ZNF704: variants seen among roughly 807,000 people sequenced by gnomAD.
ZNF704 encodes the protein glucocorticoid induced gene 1.
Under a neutral mutation model 44.7 loss-of-function variants are expected in ZNF704, and 10 were observed. The ratio of observed to expected loss-of-function variants is 0.22; its 90% confidence interval spans 0.14 to 0.38. The LOEUF is 0.38. Among genes scored for constraint, ZNF704 ranks in the 10% least tolerant of loss-of-function variants. The pLI is 1.00. For missense variants in ZNF704, 390 were observed against 545.5 expected, an observed-to-expected ratio of 0.71 and a Z score of 2.84; for synonymous variants, 211 against 207.6, an observed-to-expected ratio of 1.02 and a Z score of -0.14.
intron 6 of ZNF704, among the ~76,000 whole-genome samples, 183 bp downstream of exon 6, chr8:80,664,632 G>A (rs757787522): frequency 2.2e-4 from 34 of 152,186 alleles, no homozygotes; most frequent in Non-Finnish European, 1.3e-4. Context: ...TGGGCAATCT[G>A]AGACTAGACC....
At chr8:80,751,586 C>T (rs1806944736) in intron 2 of ZNF704, among the ~76,000 whole-genome samples, 2 of 152,170 alleles carry the variant, frequency 1.3e-5, no homozygotes, top group African/African-American at 4.8e-5. Flanking sequence ...GCAGCTGTTT[C>T]TCCTTTGCAT....
chr8:80,801,573 A>G (rs1308940682), intron 2 of ZNF704, among the ~76,000 whole-genome samples: 2 of 152,232 alleles, frequency 1.3e-5, no homozygotes, highest in African/African-American at 4.8e-5. Context: ...CTGTTAGTTA[A>G]ATAATGAAAT....
intron 2 of ZNF704, among the ~76,000 whole-genome samples, chr8:80,797,255 T>C (rs1046150614): frequency 5.3e-5 from 8 of 152,178 alleles, no homozygotes; most frequent in Non-Finnish European, 1.0e-4. Flanking sequence ...TTCTGGGGTC[T>C]TGGTGTTGGC....
At chr8:80,808,140 T>C (rs1199126764) in intron 2 of ZNF704, among the ~76,000 whole-genome samples, 2 of 152,324 alleles carry the variant, frequency 1.3e-5, no homozygotes, top group East Asian at 3.9e-4. Context: ...GCAGCAGAAC[T>C]CCACAATTCC....
intron 2 of ZNF704, among the ~76,000 whole-genome samples, chr8:80,809,502 A>G (rs1409957752): frequency 6.6e-6 from 1 of 152,206 alleles, no homozygotes; most frequent in African/African-American, 2.4e-5. Flanking sequence ...TCCTTGAAGA[A>G]GTGAGTGTTT....
At chr8:80,818,177 G>A (rs773834080) in intron 2 of ZNF704, among the ~76,000 whole-genome samples, 1 of 151,958 alleles carries the variant, frequency 6.6e-6, no homozygotes, top group Non-Finnish European at 1.5e-5. Flanking sequence ...ACAAACCAGA[G>A]AAAGTAAAGT....
chr8:80,811,697 C>T (rs1245663649), intron 2 of ZNF704, among the ~76,000 whole-genome samples: 2 of 152,196 alleles, frequency 1.3e-5, no homozygotes, highest in African/African-American at 4.8e-5. Context: ...ACAAATCTTA[C>T]GCAGCCTTAC....
At chr8:80,667,868 G>A (rs1053983496) in intron 5 of ZNF704, among the ~76,000 whole-genome samples, 1 of 151,948 alleles carries the variant, frequency 6.6e-6, no homozygotes, top group Non-Finnish European at 1.5e-5. Flanking sequence ...TATAAAATGG[G>A]GATCATTAAT....
At position 80,629,675 on chromosome 8, in the gene ZNF704, T is replaced by C. The variant is rs1006699601; in HGVS notation, c.*11691A>G. Reference sequence around the variant, plus strand: ...TAGACTTTCCAAAATATAAGTAATTTTGAAAAAAGATCAATGATTTGCTTT... The same window carrying C: ...TAGACTTTCCAAAATATAAGTAATTCTGAAAAAAGATCAATGATTTGCTTT... On this transcript the variant is annotated 3_prime_UTR_variant, in exon 9 of 9. Coordinates refer to ENST00000327835, the MANE Select transcript of ZNF704 (RefSeq NM_001033723.3). The C allele has an allele frequency of 2.0e-5, 3 of 152,128 alleles. No individual in the cohort carries two copies. The highest frequency in any genetic ancestry group is 7.2e-5 in the African/African-American group (3 of 41,398). The allele number at this position is 152,128 out of a possible 1,614,324, so 9.4% of individuals were successfully genotyped here.
chr8:80,672,359 A>G (rs1446644806), intron 4 of ZNF704, among the ~76,000 whole-genome samples: 5 of 152,188 alleles, frequency 3.3e-5, no homozygotes. Context: ...GGCAGTTTGG[A>G]GATTTCTCAA....
At chr8:80,800,440 C>A (rs1305881208) in intron 2 of ZNF704, among the ~76,000 whole-genome samples, 1 of 152,108 alleles carries the variant, frequency 6.6e-6, no homozygotes, top group Non-Finnish European at 1.5e-5. Context: ...CAAAGGGAAG[C>A]CCATCAGACT....
intron 4 of ZNF704, among the ~76,000 whole-genome samples, chr8:80,671,782 G>A (rs1020299682): frequency 5.3e-5 from 8 of 152,152 alleles, no homozygotes; most frequent in Non-Finnish European, 7.3e-5. Context: ...CACTGAATTA[G>A]GGCTGATGGA....
chr8:80,724,528 C>T (rs1205481093), intron 2 of ZNF704, among the ~76,000 whole-genome samples: 1 of 152,186 alleles, frequency 6.6e-6, no homozygotes, highest in Non-Finnish European at 1.5e-5. Context: ...ACTCTCGATA[C>T]TCACGGATGA....
intron 3 of ZNF704, among the ~76,000 whole-genome samples, chr8:80,690,744 C>T (rs1818617859): frequency 6.6e-6 from 1 of 152,308 alleles, no homozygotes; most frequent in East Asian, 1.9e-4. Context: ...TATGGTGGCT[C>T]CCACCTGTAA....
intron 4 of ZNF704, among the ~76,000 whole-genome samples, chr8:80,681,240 A>G (rs1196173491): frequency 1.3e-5 from 2 of 152,188 alleles, no homozygotes; most frequent in Non-Finnish European, 2.9e-5. Flanking sequence ...TACATACCTA[A>G]GAGTGGAATT....
chr8:80,660,927 C>CA (rs1818092644), intron 6 of ZNF704, among the ~76,000 whole-genome samples: 1 of 152,014 alleles, frequency 6.6e-6, no homozygotes, highest in African/African-American at 2.4e-5. Context: ...AACAAACAAA[C>CA]AAACAAAATA....
chr8:80,877,961 G>A (rs963983697), upstream of ZNF704, among the ~76,000 whole-genome samples: 2 of 152,224 alleles, frequency 1.3e-5, no homozygotes, highest in Admixed American at 1.3e-4. Flanking sequence ...TAAGAATAGT[G>A]TGAAGTTTAG....
chr8:80,644,334 T>C (rs1166365068), intron 7 of ZNF704, among the ~76,000 whole-genome samples: 2 of 152,290 alleles, frequency 1.3e-5, no homozygotes, highest in South Asian at 2.1e-4. Context: ...CCCTCCTGGA[T>C]TACTCACTTC....
intron 2 of ZNF704, among the ~76,000 whole-genome samples, chr8:80,820,863 G>A (rs962905709): frequency 6.6e-6 from 1 of 151,886 alleles, no homozygotes; most frequent in African/African-American, 2.4e-5. Context: ...CTACCTTTGC[G>A]TCACTGCACT....
Sources: gnomAD v4.1 joint callset for allele counts (sites outside exome capture counted in the v4.1 genomes callset) on GRCh38, gnomAD v4.1.1 for gene constraint, MANE v1.5 for transcripts, NCBI Gene and HGNC (gene_info 2026-07-23, HGNC 2026-07-21) for gene names.